SLCO1A2: variants seen among roughly 807,000 people sequenced by gnomAD.
The protein encoded by SLCO1A2 is OATP-1.
Under a neutral mutation model 69.0 loss-of-function variants are expected in SLCO1A2, and 67 were observed. That is an observed-to-expected ratio of 0.97 (90% confidence interval 0.80 to 1.19). The LOEUF (loss-of-function observed/expected upper bound fraction) is 1.19, where lower values mean the gene tolerates loss of function less well. SLCO1A2 is among the 50% of genes most tolerant of loss of function. The pLI is 0.00. For missense variants in SLCO1A2, 787 were observed against 793.7 expected, an observed-to-expected ratio of 0.99 and a Z score of 0.10; for synonymous variants, 260 against 265.9, an observed-to-expected ratio of 0.98 and a Z score of 0.22.
At chr12:21,339,720 G>A (rs1953006003), upstream of SLCO1A2, among the ~76,000 whole-genome samples, 1 of 151,888 alleles carries the variant, frequency 6.6e-6, no homozygotes, top group Admixed American at 6.6e-5. Flanking sequence ...TGACATGCAG[G>A]AAGCTGTGAG....
chr12:21,416,762 A>C (rs1941996200), intron 1 of SLCO1A2, among the ~76,000 whole-genome samples: 1 of 152,192 alleles, frequency 6.6e-6, no homozygotes, highest in African/African-American at 2.4e-5. Flanking sequence ...ATCACAAATG[A>C]AGGAGTCAAC....
chr12:21,344,283 G>A (rs1953181385), intron 2 of SLCO1A2, among the ~76,000 whole-genome samples: 1 of 151,920 alleles, frequency 6.6e-6, no homozygotes, highest in African/African-American at 2.4e-5. Context: ...ATAATCCAAG[G>A]AAGAGCCCTC....
chr12:21,408,238 G>A (rs1941853698), intron 1 of SLCO1A2, among the ~76,000 whole-genome samples: 1 of 152,098 alleles, frequency 6.6e-6, no homozygotes, highest in Non-Finnish European at 1.5e-5. Flanking sequence ...TGCATAAAGT[G>A]TTTCTAAAAC....
intron 6 of SLCO1A2, among the ~76,000 whole-genome samples, chr12:21,303,130 TATAC>T (rs1270295875): frequency 3.9e-5 from 6 of 152,164 alleles, no homozygotes; most frequent in African/African-American, 1.4e-4. Context: ...TATATATGTA[TATAC>T]ATATATATAC....
Position 21,311,137 on chromosome 12 carries a change from A to G in SLCO1A2, c.335+3412T>C, listed in dbSNP as rs377246196. Among the ~76,000 whole-genome samples the G allele has an allele frequency of 9.2e-5, 14 of 152,320 alleles. 1 individual carries two copies. The highest frequency in any genetic ancestry group is 3.4e-4 in the African/African-American group (14 of 41,574). ...AGTCTTCATTTATTCAAGTTTTATT[A>G]TGAGATTGCAGCAATTAAGTCACAT... On this transcript the variant is annotated intron_variant, in intron 4 of 14. Coordinates refer to ENST00000683939, the MANE Select transcript of SLCO1A2 (RefSeq NM_001386879.1).
intron 2 of SLCO1A2, among the ~76,000 whole-genome samples, chr12:21,351,443 A>AT (rs200016727): frequency 7.9e-5 from 12 of 151,892 alleles, no homozygotes; most frequent in African/African-American, 1.9e-4. Context: ...GGTGCCTTGC[A>AT]TTTTTTTTAG....
intron 1 of SLCO1A2, among the ~76,000 whole-genome samples, chr12:21,392,167 C>T (rs1328019712): frequency 6.6e-6 from 1 of 152,170 alleles, no homozygotes; most frequent in Non-Finnish European, 1.5e-5. Flanking sequence ...AAATGCATCG[C>T]CTCTGACTAA....
At chr12:21,386,041 T>C (rs894130170) in intron 1 of SLCO1A2, among the ~76,000 whole-genome samples, 2 of 152,152 alleles carry the variant, frequency 1.3e-5, no homozygotes, top group Admixed American at 1.3e-4. Flanking sequence ...CCAAGAGATA[T>C]TGTCTAAGTG....
chr12:21,400,177 C>T (rs986548456), upstream of SLCO1A2, among the ~76,000 whole-genome samples: 1 of 151,962 alleles, frequency 6.6e-6, no homozygotes, highest in African/African-American at 2.4e-5. Flanking sequence ...AACAAATTTA[C>T]AAGAAAAAAA....
chr12:21,280,294 G>A (rs1261273847), intron 12 of SLCO1A2, among the ~76,000 whole-genome samples: 1 of 151,922 alleles, frequency 6.6e-6, no homozygotes, highest in Non-Finnish European at 1.5e-5. Flanking sequence ...TAAAGTAGCT[G>A]AATGGATTTA....
chr12:21,299,112 C>A (rs1948185681), intron 8 of SLCO1A2, among the ~76,000 whole-genome samples: 1 of 152,060 alleles, frequency 6.6e-6, no homozygotes, highest in Non-Finnish European at 1.5e-5. Flanking sequence ...AAAACTGAGA[C>A]CCTCACCATC....
rs935995442 is a variant in SLCO1A2, at chr12:21,297,452, G to C, written c.1027C>G (p.Leu343Val). Reference protein sequence around the residue: ...VNMISFMPKYLEQQYGISSSD... With the variant: ...VNMISFMPKYVEQQYGISSSD... ...GATGATATTCCATATTGCTGTTCTAGGTATTTAGGCATGAAGGAGATCATG... is the reference window on the plus strand; with the variant it reads ...GATGATATTCCATATTGCTGTTCTACGTATTTAGGCATGAAGGAGATCATG... The change falls in exon 9 of 15, where the codon CTA becomes GTA. Residue 343 changes from leucine (L) to valine (V), a missense_variant. By Grantham distance (32) the Leu-to-Val change is conservative. Coordinates refer to ENST00000683939, the MANE Select transcript of SLCO1A2 (RefSeq NM_001386879.1). 3.1e-6 allele frequency: 5 copies of C among 1,612,806 alleles called. No homozygotes were observed. The highest frequency in any genetic ancestry group is 4.2e-6 in the Non-Finnish European group (5 of 1,179,108).
At chr12:21,402,380 G>A (rs1941734939) in intron 1 of SLCO1A2, among the ~76,000 whole-genome samples, 1 of 152,006 alleles carries the variant, frequency 6.6e-6, no homozygotes, top group Admixed American at 6.6e-5. Context: ...AGAGGAAAAT[G>A]CAAATAGACA....
At chr12:21,341,875 G>A (rs1871289) in intron 2 of SLCO1A2, among the ~76,000 whole-genome samples, 7 of 152,066 alleles carry the variant, frequency 4.6e-5, no homozygotes, top group African/African-American at 9.6e-5. Flanking sequence ...ACTTTGGGAC[G>A]AGTAAATAAA....
intron 2 of SLCO1A2, among the ~76,000 whole-genome samples, chr12:21,330,526 A>T (rs1952550549): frequency 6.6e-6 from 1 of 152,050 alleles, no homozygotes; most frequent in Non-Finnish European, 1.5e-5. Context: ...ATAAAATAAA[A>T]GTAAAAAGTT....
intron 1 of SLCO1A2, among the ~76,000 whole-genome samples, chr12:21,405,921 A>C (rs1941816664): frequency 6.6e-6 from 1 of 152,358 alleles, no homozygotes; most frequent in Non-Finnish European, 1.5e-5. Context: ...CCACAGGATA[A>C]TCATAGCACC....
intron 6 of SLCO1A2, among the ~76,000 whole-genome samples, chr12:21,302,803 T>C (rs1467860452): frequency 2.0e-5 from 3 of 151,900 alleles, no homozygotes; most frequent in African/African-American, 7.3e-5. Flanking sequence ...ATGATCTGCC[T>C]GCCTCAGCCT....
chr12:21,320,140 A>C (rs1041094382), intron 2 of SLCO1A2, among the ~76,000 whole-genome samples: 1 of 152,106 alleles, frequency 6.6e-6, no homozygotes. Flanking sequence ...AGCACACTCA[A>C]ATTCTTAAAA....
intron 3 of SLCO1A2, 31 bp downstream of exon 3, chr12:21,318,751 A>G (rs1951201159): frequency 6.3e-7 from 1 of 1,577,212 alleles, no homozygotes; most frequent in Non-Finnish European, 8.6e-7. Flanking sequence ...GACAAAATAC[A>G]AAAAGAAGAA....
Sources: allele counts gnomAD v4.1 joint callset (sites outside exome capture counted in the v4.1 genomes callset), GRCh38; gene constraint gnomAD v4.1.1; transcripts MANE v1.5; gene names NCBI Gene and HGNC (gene_info 2026-07-23, HGNC 2026-07-21).